The following HACL1 variants were observed in gnomAD, a reference collection of about 807,000 sequenced individuals.
HACL1 encodes the protein 1600020H07Rik.
A neutral mutation model predicts 74.2 loss-of-function variants in HACL1; 64 were observed. The observed-to-expected ratio is 0.86, with a 90% CI of 0.70 to 1.06. The LOEUF (loss-of-function observed/expected upper bound fraction) is 1.06, where lower values mean the gene tolerates loss of function less well. HACL1 is among the 50% of genes least tolerant of loss of function. HACL1 has a pLI of 0.00. For missense variants in HACL1, 728 were observed against 719.7 expected (o/e 1.01, Z -0.13); for synonymous variants, 230 against 238.8 (o/e 0.96, Z 0.34).
At position 15,563,482 on chromosome 3, in the gene HACL1, C is replaced by T. The variant is rs1559545258; in HGVS notation, c.1580G>A (p.Gly527Asp). 6.2e-7 allele frequency: 1 copy of T among 1,611,632 alleles called. No individual in the cohort carries two copies. The highest frequency in any genetic ancestry group is 1.1e-5 in the South Asian group (1 of 91,016). ...TGGTGTTTGTACAAAATACCCTTTGCCTCCAAATGCAGTCATGACTTGCTC... is the reference window on the plus strand; with the variant it reads ...TGGTGTTTGTACAAAATACCCTTTGTCTCCAAATGCAGTCATGACTTGCTC... ...HYEQVMTAFG[G>D]KGYFVQTPEE... Residue 527 changes from glycine (G) to aspartate (D), a missense_variant, in exon 16 of 17, where the codon GGC (glycine) becomes GAC (aspartate). Physicochemically the swap from Gly to Asp is moderately conservative, Grantham distance 94. Coordinates refer to ENST00000321169, the MANE Select transcript of HACL1 (RefSeq NM_012260.4).
chr3:15,592,501 CTTGTATAT>C (rs1559561805), intron 3 of HACL1, among the ~76,000 whole-genome samples: 2 of 144,822 alleles, frequency 1.4e-5, no homozygotes, highest in African/African-American at 5.7e-5. Flanking sequence ...TACATATACA[CTTGTATAT>C]ACACTTGTAT....
intron 3 of HACL1, among the ~76,000 whole-genome samples, chr3:15,594,883 CCTTTGGGAGG>C (rs1448038484): frequency 6.6e-6 from 1 of 152,020 alleles, no homozygotes; most frequent in Non-Finnish European, 1.5e-5. Flanking sequence ...TAATCCCAGC[CCTTTGGGAGG>C]CCAAGGCCAG....
chr3:15,571,814 C>G, intron 11 of HACL1, 45 bp from the exon 12 acceptor site: 2 of 400,586 alleles, frequency 5.0e-6, no homozygotes, highest in East Asian at 4.6e-5. Flanking sequence ...TAAACTTTTT[C>G]TTTGCCTTTT....
At chr3:15,571,606 C>CA in intron 12 of HACL1, 62 bp downstream of exon 12, 3 of 814,494 alleles carry the variant, frequency 3.7e-6, no homozygotes, top group Non-Finnish European at 6.6e-6. Context: ...TGTCACATTA[C>CA]GGCAGAAGTA....
At position 15,575,099 on chromosome 3, in the gene HACL1, T is replaced by A; in HGVS notation, c.804-17A>T. ...TGCAAAGCCCTATTAAAAAAATTGA[T>A]ATGAAAGTATAACTACATTTCTTAT... On this transcript the variant is annotated splice_polypyrimidine_tract_variant and intron_variant, in intron 9 of 16. Coordinates refer to ENST00000321169, the MANE Select transcript of HACL1 (RefSeq NM_012260.4). The A allele has an allele frequency of 8.6e-7, 1 of 1,168,782 alleles. No individual in the cohort carries two copies. The allele number at this position is 1,168,782 out of a possible 1,614,324, so 72.4% of individuals were successfully genotyped here.
In HACL1 at chr3:15,573,239, C is replaced by T; in HGVS notation, c.913G>A (p.Asp305Asn). 1 of 1,596,946 alleles carries T rather than the reference C, an allele frequency of 6.3e-7. No homozygotes were observed. The highest frequency in any genetic ancestry group is 1.7e-5 in the Admixed American group (1 of 59,916). ...YQPDVKFIQV[D>N]ICAEELGNNV... ...TTCCCCAATTCTTCTGCACAGATAT[C>T]AACCTAAAAAAGAGACAAGGCTAAA... Residue 305 changes from aspartate (D) to asparagine (N), a missense_variant, in exon 11 of 17, where the codon GAT becomes AAT. Coordinates refer to ENST00000321169, the MANE Select transcript of HACL1 (RefSeq NM_012260.4).
intron 11 of HACL1, 102 bp downstream of exon 11, chr3:15,573,057 T>G (rs2063563513): frequency 1.4e-6 from 1 of 706,458 alleles, no homozygotes; most frequent in Non-Finnish European, 2.5e-6. Flanking sequence ...AAAACAGATA[T>G]GAATAGTAGA....
intron 10 of HACL1, among the ~76,000 whole-genome samples, chr3:15,574,442 T>C (rs1056045318): frequency 6.6e-6 from 1 of 152,200 alleles, no homozygotes. Context: ...CACACCACTA[T>C]GCAGGTAGTA....
In HACL1 at chr3:15,571,683, A is replaced by G. The variant is rs1211985015; in HGVS notation, c.1080T>C (p.Asn360=). The G allele has an allele frequency of 6.2e-6, 9 of 1,454,516 alleles. No individual in the cohort carries two copies. Among genetic ancestry groups the G allele is most frequent in the Middle Eastern group, 1.7e-4 (1 of 5,756 alleles). The allele number at this position is 1,454,516 out of a possible 1,614,324, so 90.1% of individuals were successfully genotyped here. ...WKTLREKMKS[N]EAASKELASK... Reference sequence around the variant, plus strand: ...CCGATTTTACCTTGGATGCAGCTTCATTGCTCTTCATTTTTTCTCTCAGAG... The same window carrying G: ...CCGATTTTACCTTGGATGCAGCTTCGTTGCTCTTCATTTTTTCTCTCAGAG... The change falls in exon 12 of 17, where the codon AAT becomes AAC. Residue 360 remains asparagine, a synonymous_variant. Coordinates refer to ENST00000321169, the MANE Select transcript of HACL1 (RefSeq NM_012260.4).
chr3:15,586,116 C>G (rs2063789659), intron 6 of HACL1, among the ~76,000 whole-genome samples: 1 of 152,090 alleles, frequency 6.6e-6, no homozygotes, highest in Non-Finnish European at 1.5e-5. Flanking sequence ...AAAAGCATTT[C>G]AGGTAAGGAA....
intron 4 of HACL1, among the ~76,000 whole-genome samples, chr3:15,589,983 C>T (rs750269384): frequency 1.3e-5 from 2 of 151,640 alleles, no homozygotes; most frequent in Non-Finnish European, 2.9e-5. Context: ...TACAGTGAGC[C>T]GAGATTGTGC....
Position 15,564,547 on chromosome 3 carries a change from T to C in HACL1, c.1517+4A>G, listed in dbSNP as rs1028346409. On this transcript the variant is annotated splice_donor_region_variant and intron_variant, in intron 15 of 16. Transcript: ENST00000321169. ...GTAAACAGACATTGGTCTTGGTTAC[T>C]TACACTGCAGTAGCATCTTGAAATT... The C allele has an allele frequency of 1.7e-5, 21 of 1,265,956 alleles. No homozygotes were observed. Among genetic ancestry groups the C allele is most frequent in the Non-Finnish European group, 2.4e-5 (21 of 875,984 alleles). 78.4% of individuals were successfully genotyped at this position (1,265,956 alleles called of 1,614,324 possible). A position where few individuals can be genotyped will look rare whatever the true frequency, so the allele number is the denominator to read the frequency against.
intron 15 of HACL1, among the ~76,000 whole-genome samples, 161 bp from the exon 16 acceptor site, chr3:15,563,705 A>G (rs1372886109): frequency 2.0e-5 from 3 of 152,192 alleles, no homozygotes; most frequent in African/African-American, 7.2e-5. Flanking sequence ...AGTTTTTCCT[A>G]TATTTATAAT....
At chr3:15,565,654 G>A (rs541724735) in intron 14 of HACL1, among the ~76,000 whole-genome samples, 12 of 152,372 alleles carry the variant, frequency 7.9e-5, no homozygotes, top group Non-Finnish European at 1.8e-4. Context: ...TAACAGGACT[G>A]TGGTAATTAT....
At chr3:15,568,361 C>A in intron 13 of HACL1, 71 bp downstream of exon 13, 1 of 904,970 alleles carries the variant, frequency 1.1e-6, no homozygotes, top group Non-Finnish European at 1.7e-6. Flanking sequence ...TCTTCTTAAT[C>A]TGCACTATTA....
chr3:15,583,646 T>C (rs965114612), intron 7 of HACL1, among the ~76,000 whole-genome samples: 3 of 151,666 alleles, frequency 2.0e-5, no homozygotes, highest in Non-Finnish European at 2.9e-5. Flanking sequence ...CTCTTTTTTT[T>C]TTTTCTTTTC....
chr3:15,578,896 G>A (rs1299950889), intron 9 of HACL1, among the ~76,000 whole-genome samples: 1 of 152,208 alleles, frequency 6.6e-6, no homozygotes, highest in Non-Finnish European at 1.5e-5. Context: ...ACTGAGAATG[G>A]GAGAGTGGGG....
At chr3:15,562,674 T>C (rs2063363364) in intron 16 of HACL1, among the ~76,000 whole-genome samples, 2 of 152,140 alleles carry the variant, frequency 1.3e-5, no homozygotes, top group African/African-American at 2.4e-5. Context: ...AGGATGGCAG[T>C]AGAAAATTAA....
intron 2 of HACL1, among the ~76,000 whole-genome samples, chr3:15,599,768 A>G (rs1321841941): frequency 6.6e-6 from 1 of 152,234 alleles, no homozygotes; most frequent in Non-Finnish European, 1.5e-5. Flanking sequence ...ATCAACGTGA[A>G]GATCAAGACT....
Sources: allele counts gnomAD v4.1 joint callset (sites outside exome capture counted in the v4.1 genomes callset), GRCh38; gene constraint gnomAD v4.1.1; transcripts MANE v1.5; gene names NCBI Gene and HGNC (gene_info 2026-07-23, HGNC 2026-07-21).